LARGE1: variants seen among roughly 807,000 people sequenced by gnomAD.
LARGE1 encodes xylosyl- and glucuronyltransferase LARGE1.
Under a neutral mutation model 87.6 loss-of-function variants are expected in LARGE1, and 43 were observed. The ratio of observed to expected loss-of-function variants is 0.49; its 90% CI spans 0.38 to 0.63. LARGE1 has a LOEUF of 0.63. Among genes scored for constraint, LARGE1 ranks in the 30% least tolerant of loss-of-function variants. LARGE1 has a pLI of 0.00. For synonymous variants in LARGE1, 434 were observed against 394.6 expected, an observed-to-expected ratio of 1.10 and a Z score of -1.18; for missense variants, 802 against 1,000.2, an observed-to-expected ratio of 0.80 and a Z score of 2.67.
intron 1 of LARGE1, among the ~76,000 whole-genome samples, chr22:33,778,996 G>A (rs2085335242): frequency 6.6e-6 from 1 of 152,184 alleles, no homozygotes; most frequent in South Asian, 2.1e-4. Context: ...GCACGGAGAG[G>A]CCACATTTTG....
intron 5 of LARGE1, among the ~76,000 whole-genome samples, chr22:33,592,065 A>AGGGAGGGGAGGAGAG (rs1555967795): frequency 9.8e-5 from 9 of 92,196 alleles, no homozygotes; most frequent in Non-Finnish European, 1.8e-4. Flanking sequence ...GGAGAGGAGA[A>AGGGAGGGGAGGAGAG]GGGAGGGGAG....
intron 4 of LARGE1, 148 bp from the exon 5 acceptor site, chr22:33,604,706 G>T: frequency 2.7e-6 from 3 of 1,097,514 alleles, no homozygotes; most frequent in Non-Finnish European, 2.7e-6. Flanking sequence ...CGAAAACAGT[G>T]CTCACTGGTG....
chr22:33,498,662 G>C (rs1210697876), intron 6 of LARGE1, among the ~76,000 whole-genome samples: 1 of 152,156 alleles, frequency 6.6e-6, no homozygotes, highest in Non-Finnish European at 1.5e-5. Context: ...GAGGATAGCA[G>C]GGCGTGTTCT....
At chr22:33,638,140 T>C (rs1298280854) in intron 3 of LARGE1, among the ~76,000 whole-genome samples, 1 of 152,182 alleles carries the variant, frequency 6.6e-6, no homozygotes, top group African/African-American at 2.4e-5. Context: ...CCAACAGCAA[T>C]GTGGGATATG....
intron 14 of LARGE1, among the ~76,000 whole-genome samples, chr22:33,276,029 A>T (rs1205357614): frequency 6.6e-6 from 1 of 152,158 alleles, no homozygotes; most frequent in Non-Finnish European, 1.5e-5. Flanking sequence ...AACGCCTCTC[A>T]ATCACCTGGG....
At chr22:33,912,311 C>A (rs1249101430) in intron 1 of LARGE1, among the ~76,000 whole-genome samples, 1 of 152,116 alleles carries the variant, frequency 6.6e-6, no homozygotes, top group African/African-American at 2.4e-5. Flanking sequence ...CCGCAGCAAT[C>A]CCTAACCACA....
At chr22:33,148,842 T>C in the LARGE1 span, among the ~76,000 whole-genome samples, 1 of 152,160 alleles carries the variant, frequency 6.6e-6, no homozygotes, top group African/African-American at 2.4e-5. Context: ...AATTTTTTTG[T>C]GTTAATTTAC....
At chr22:33,341,228 C>T (rs1939111169) in intron 9 of LARGE1, among the ~76,000 whole-genome samples, 1 of 152,064 alleles carries the variant, frequency 6.6e-6, no homozygotes, top group African/African-American at 2.4e-5. Flanking sequence ...CATGTGAAGA[C>T]AGATGGAAAA....
At chr22:33,117,830 ATG>A in the LARGE1 span, among the ~76,000 whole-genome samples, 1 of 152,314 alleles carries the variant, frequency 6.6e-6, no homozygotes, top group East Asian at 1.9e-4. Context: ...AAATCTCATT[ATG>A]TCTCTGTGAA....
intron 6 of LARGE1, among the ~76,000 whole-genome samples, chr22:33,469,875 C>T (rs1417536759): frequency 2.1e-5 from 3 of 144,546 alleles, no homozygotes; most frequent in South Asian, 2.2e-4. Context: ...CTATTGGGTG[C>T]TATGTTTACT....
intron 12 of LARGE1, among the ~76,000 whole-genome samples, chr22:33,298,281 C>A (rs2146080257): frequency 6.6e-6 from 1 of 152,312 alleles, no homozygotes; most frequent in African/African-American, 2.4e-5. Flanking sequence ...AACCTGAGGG[C>A]CAGAACTTTG....
chr22:33,127,436 T>C, the LARGE1 span, among the ~76,000 whole-genome samples: 1 of 152,270 alleles, frequency 6.6e-6, no homozygotes, highest in South Asian at 2.1e-4. Context: ...GATGCATAAA[T>C]TACCTCTTCT....
intron 9 of LARGE1, among the ~76,000 whole-genome samples, chr22:33,354,718 G>C (rs1417432380): frequency 6.6e-6 from 1 of 152,170 alleles, no homozygotes; most frequent in Non-Finnish European, 1.5e-5. Flanking sequence ...AGTATAAAAT[G>C]TATTCAGCCA....
chr22:33,284,587 T>C (rs546452406), intron 12 of LARGE1, among the ~76,000 whole-genome samples: 1 of 152,212 alleles, frequency 6.6e-6, no homozygotes, highest in East Asian at 1.9e-4. Flanking sequence ...ATGAGGCTTT[T>C]TTTTTTTGGA....
At chr22:33,518,600 C>T (rs554482924) in intron 6 of LARGE1, among the ~76,000 whole-genome samples, 4 of 152,312 alleles carry the variant, frequency 2.6e-5, no homozygotes, top group Admixed American at 6.5e-5. Flanking sequence ...CGACCCACCG[C>T]GCCCGGCCTC....
At chr22:33,822,488 C>A (rs1162992359) in intron 1 of LARGE1, among the ~76,000 whole-genome samples, 1 of 152,114 alleles carries the variant, frequency 6.6e-6, no homozygotes, top group African/African-American at 2.4e-5. Context: ...AACCTGAGGT[C>A]AGGAGTTCGA....
intron 11 of LARGE1, among the ~76,000 whole-genome samples, chr22:33,183,612 A>ACACGCACGCACG (rs1923294521): frequency 1.1e-5 from 1 of 91,518 alleles, no homozygotes; most frequent in African/African-American, 3.9e-5. Flanking sequence ...ACACACACAC[A>ACACGCACGCACG]CACACACGCA....
chr22:33,264,714 G>A (rs2145758348), intron 11 of LARGE1, among the ~76,000 whole-genome samples: 1 of 151,830 alleles, frequency 6.6e-6, no homozygotes, highest in African/African-American at 2.4e-5. Flanking sequence ...TTTTCCTTCT[G>A]GTGCAACAAA....
At chr22:33,389,306 G>A (rs564029882) in intron 7 of LARGE1, among the ~76,000 whole-genome samples, 2 of 152,340 alleles carry the variant, frequency 1.3e-5, no homozygotes, top group South Asian at 2.1e-4. Flanking sequence ...TGTTTATGCC[G>A]TTTCCTACAG....
Sources: allele counts gnomAD v4.1 joint callset (sites outside exome capture counted in the v4.1 genomes callset), GRCh38; gene constraint gnomAD v4.1.1; transcripts MANE v1.5; gene names NCBI Gene and HGNC (gene_info 2026-07-23, HGNC 2026-07-21).